SALL3: variants seen among roughly 807,000 people sequenced by gnomAD.
SALL3 encodes the protein sal-like protein 3.
In SALL3, 25 loss-of-function variants were observed where a neutral mutation model predicts 66.2. The observed-to-expected ratio is 0.38, with a 90% CI of 0.28 to 0.53. The LOEUF (loss-of-function observed/expected upper bound fraction) is 0.53, where lower values mean the gene tolerates loss of function less well. Among genes scored for constraint, SALL3 ranks in the 20% least tolerant of loss-of-function variants. The pLI, the probability that SALL3 is intolerant of heterozygous loss-of-function variation, is 0.85. For synonymous variants in SALL3, 1,152 were observed against 899.1 expected (o/e 1.28, Z -5.03); for missense variants, 2,194 against 1,916.5 (o/e 1.14, Z -2.70).
Position 78,992,402 on chromosome 18 carries a change from A to G in SALL3, c.411A>G (p.Glu137=). 7.5e-7 allele frequency: 1 copy of G among 1,325,428 alleles called. No homozygotes were observed. The highest frequency in any genetic ancestry group is 1.8e-5 in the South Asian group (1 of 55,292). 82.1% of individuals were successfully genotyped at this position (1,325,428 alleles called of 1,614,324 possible). A position where few individuals can be genotyped will look rare whatever the true frequency, so the allele number is the denominator to read the frequency against. Residue 137 remains glutamate, a synonymous_variant, in exon 2 of 3, where the codon GAA becomes GAG. Transcript: ENST00000537592. ...AGGAGGCCGAGCCCATGGACGCGGA[A>G]CCCGCGGGGGACACGCGCGCGCCCC... ...VEKEAEPMDA[E]PAGDTRAPRP... is the part of the protein sequence containing the mutation.
chr18:78,996,811 T>C lies in SALL3; in HGVS notation c.3472-80T>C, dbSNP rs984872935. 2.9e-5 allele frequency: 41 copies of C among 1,424,324 alleles called. No individual in the cohort carries two copies. In the East Asian group the frequency reaches 6.5e-4, roughly 23 times the overall value. The allele number at this position is 1,424,324 out of a possible 1,614,324, so 88.2% of individuals were successfully genotyped here. ...CGCGCTTGGGAGCGGGGTGGACCTC[T>C]GTCTGCTGCGCTGGAAGCGGAGCAG... On this transcript the variant is annotated intron_variant, in intron 2 of 2. Transcript: ENST00000537592.
intron 1 of SALL3, among the ~76,000 whole-genome samples, chr18:78,980,618 G>T (rs1418515576): frequency 6.6e-6 from 1 of 151,776 alleles, no homozygotes; most frequent in African/African-American, 2.4e-5. Flanking sequence ...GAAGGGCGCC[G>T]AGGCCGCGGC....
chr18:78,988,604 A>G (rs372676125), intron 1 of SALL3, among the ~76,000 whole-genome samples: 3 of 152,206 alleles, frequency 2.0e-5, no homozygotes, highest in Non-Finnish European at 4.4e-5. Flanking sequence ...TCAATTCCAT[A>G]TGTGATTGTT....
chr18:78,992,749 C>T lies in SALL3; in HGVS notation c.758C>T (p.Pro253Leu), dbSNP rs773563874. The change falls in exon 2 of 3, where the codon CCG becomes CTG. Residue 253 changes from proline (P) to leucine (L), a missense_variant. Transcript: ENST00000537592. ...GCGGCCGCCCCGAGCGCACCGGGCC[C>T]GGCCCCCAGCCAGCTGCCCGGGCTG... ...SPAAAPSAPG[P>L]APSQLPGLAA... is the part of the protein sequence containing the mutation. The T allele has an allele frequency of 8.6e-6, 10 of 1,165,052 alleles. No individual in the cohort carries two copies. The highest frequency in any genetic ancestry group is 7.4e-6 in the Non-Finnish European group (7 of 944,642). The allele number at this position is 1,165,052 out of a possible 1,614,324, so 72.2% of individuals were successfully genotyped here. A position where few individuals can be genotyped will look rare whatever the true frequency, so the allele number is the denominator to read the frequency against.
At chr18:78,996,860 T>TA (rs779173718) in intron 2 of SALL3, 31 bp from the exon 3 acceptor site, 70 of 1,569,496 alleles carry the variant, frequency 4.5e-5, no homozygotes, top group Non-Finnish European at 6.0e-5. Flanking sequence ...TCTAGGCACT[T>TA]ACTCGTGGGC....
At position 78,994,454 on chromosome 18, in the gene SALL3, A is replaced by G. The variant is rs138722339; in HGVS notation, c.2463A>G (p.Pro821=). 265 of 1,612,390 alleles carry G rather than the reference A, an allele frequency of 1.6e-4. No homozygotes were observed. The highest frequency in any genetic ancestry group is 2.0e-4 in the Non-Finnish European group (241 of 1,179,758). The part of the protein sequence containing the change: ...LKDAATDPAK[P]LLSYAGSCPP... ...ACGCGGCCACCGACCCGGCCAAGCC[A>G]CTCCTGTCCTACGCGGGGTCCTGCC... Residue 821 remains proline (P), a synonymous_variant, in exon 2 of 3, where the codon CCA becomes CCG. Transcript: ENST00000537592.
rs1270555405 is a variant in SALL3, at chr18:78,994,639, T to C, written c.2648T>C (p.Val883Ala). ...DRLSNDSSSA[V>A]GDLESRSAGS... ...CTGAGCAACGACTCCTCGTCGGCCGTGGGCGACCTGGAGAGCCGCAGCGCG... is the reference window on the plus strand; with the variant it reads ...CTGAGCAACGACTCCTCGTCGGCCGCGGGCGACCTGGAGAGCCGCAGCGCG... The change falls in exon 2 of 3, where the codon GTG (valine) becomes GCG (alanine). Residue 883 changes from valine (V) to alanine (A), a missense_variant. Physicochemically the swap from Val to Ala is moderately conservative, Grantham distance 64. Coordinates refer to ENST00000537592, the MANE Select transcript of SALL3 (RefSeq NM_171999.4). 1.2e-6 allele frequency: 2 copies of C among 1,609,202 alleles called. No individual in the cohort carries two copies. The highest frequency in any genetic ancestry group is 2.2e-5 in the East Asian group (1 of 44,788).
chr18:78,997,138 A>T lies in SALL3; in HGVS notation c.3719A>T (p.Gln1240Leu). ...GTCATCCAGAACGGCGGCATCCCCCAGCTCCCCGTGAGTCTTGGGGGCAGC... is the reference window on the plus strand; with the variant it reads ...GTCATCCAGAACGGCGGCATCCCCCTGCTCCCCGTGAGTCTTGGGGGCAGC... ...ISVIQNGGIP[Q>L]LPVSLGGSAL... Residue 1240 changes from glutamine (Q) to leucine (L), a missense_variant, in exon 3 of 3, where the codon CAG becomes CTG. Coordinates refer to ENST00000537592, the MANE Select transcript of SALL3 (RefSeq NM_171999.4). The T allele has an allele frequency of 6.2e-7, 1 of 1,613,944 alleles. No homozygotes were observed. The highest frequency in any genetic ancestry group is 8.5e-7 in the Non-Finnish European group (1 of 1,180,018).
intron 1 of SALL3, among the ~76,000 whole-genome samples, chr18:78,991,370 G>T (rs1021781817): frequency 8.5e-5 from 7 of 82,324 alleles, no homozygotes; most frequent in Admixed American, 2.8e-4. Context: ...CTATCTGGAA[G>T]AAAGTACAAG....
At position 78,993,955 on chromosome 18, in the gene SALL3, C is replaced by T. The variant is rs765362184; in HGVS notation, c.1964C>T (p.Ser655Leu). ...TTTCCGTTCGGGGGGCTGCTAGACTCGATGCAAACGTCGGAAACCTCGAAG... is the reference window on the plus strand; with the variant it reads ...TTTCCGTTCGGGGGGCTGCTAGACTTGATGCAAACGTCGGAAACCTCGAAG... The part of the protein sequence containing the change: ...AQFPFGGLLD[S>L]MQTSETSKLQ... Residue 655 changes from serine to leucine, a missense_variant, in exon 2 of 3, where the codon TCG (serine) becomes TTG (leucine). Ser to Leu is a moderately radical substitution (Grantham distance 145). Coordinates refer to ENST00000537592, the MANE Select transcript of SALL3 (RefSeq NM_171999.4). 5 of 1,610,982 alleles carry T rather than the reference C, an allele frequency of 3.1e-6. No individual in the cohort carries two copies. The highest frequency in any genetic ancestry group is 2.2e-5 in the East Asian group (1 of 44,748).
chr18:78,984,622 A>AT (rs1208738466), intron 1 of SALL3, among the ~76,000 whole-genome samples: 1 of 149,516 alleles, frequency 6.7e-6, no homozygotes, highest in Non-Finnish European at 1.5e-5. Flanking sequence ...GTAAACTTTT[A>AT]TTTAAAAAAA....
Position 78,994,862 on chromosome 18 carries a change from G to A in SALL3, c.2871G>A (p.Lys957=). 2.5e-6 allele frequency: 4 copies of A among 1,605,490 alleles called. No homozygotes were observed. Among genetic ancestry groups the A allele is most frequent in the Non-Finnish European group, 3.4e-6 (4 of 1,176,270 alleles). ...SGGAPGRAGI[K]EEAPFSLLFL... ...GCGCCCCTGGCCGCGCGGGCATCAAGGAGGAGGCGCCCTTCAGCCTGCTGT... is the reference window on the plus strand; with the variant it reads ...GCGCCCCTGGCCGCGCGGGCATCAAAGAGGAGGCGCCCTTCAGCCTGCTGT... Residue 957 remains lysine, a synonymous_variant, in exon 2 of 3, where the codon AAG becomes AAA. Coordinates refer to ENST00000537592, the MANE Select transcript of SALL3 (RefSeq NM_171999.4).
intron 1 of SALL3, among the ~76,000 whole-genome samples, chr18:78,985,309 A>G (rs1036319576): frequency 3.9e-5 from 6 of 152,248 alleles, no homozygotes; most frequent in Non-Finnish European, 7.3e-5. Context: ...CTAGTTCAGC[A>G]CAAGTGTTTA....
In SALL3 at chr18:78,997,390, T is replaced by G. The variant is rs1914735846; in HGVS notation, c.*68T>G. 2.0e-6 allele frequency: 3 copies of G among 1,479,166 alleles called. No individual in the cohort carries two copies. The highest frequency in any genetic ancestry group is 2.8e-6 in the Non-Finnish European group (3 of 1,076,230). 91.6% of individuals were successfully genotyped at this position (1,479,166 alleles called of 1,614,324 possible). ...AGTTGGAGCATCAGGCCTCCGACCTTTCTTGCCTCGGTTCTCATTACACTT... is the reference window on the plus strand; with the variant it reads ...AGTTGGAGCATCAGGCCTCCGACCTGTCTTGCCTCGGTTCTCATTACACTT... On this transcript the variant is annotated 3_prime_UTR_variant, in exon 3 of 3. Coordinates refer to ENST00000537592, the MANE Select transcript of SALL3 (RefSeq NM_171999.4).
At chr18:78,982,293 A>G (rs1405763908) in intron 1 of SALL3, among the ~76,000 whole-genome samples, 3 of 152,164 alleles carry the variant, frequency 2.0e-5, no homozygotes, top group Non-Finnish European at 4.4e-5. Flanking sequence ...GATGCAAAAT[A>G]TTCAGGTTTT....
intron 2 of SALL3, among the ~76,000 whole-genome samples, chr18:78,995,870 C>A (rs1484932310): frequency 1.3e-5 from 2 of 152,152 alleles, no homozygotes; most frequent in African/African-American, 2.4e-5. Flanking sequence ...GTGGGGGGAA[C>A]AGGAGCCTGG....
Position 78,993,742 on chromosome 18 carries a change from C to G in SALL3, c.1751C>G (p.Pro584Arg). The G allele has an allele frequency of 6.4e-7, 1 of 1,550,880 alleles. No homozygotes were observed. The highest frequency in any genetic ancestry group is 8.6e-7 in the Non-Finnish European group (1 of 1,157,210). ...ESGVSATAES[P>R]QSLLGGPPLT... is the part of the protein sequence containing the mutation. ...GGCGTGTCGGCCACCGCCGAGTCCC[C>G]ACAGTCGCTCCTCGGCGGGCCGCCC... Residue 584 changes from proline to arginine, a missense_variant, in exon 2 of 3, where the codon CCA becomes CGA. Physicochemically the swap from Pro to Arg is moderately radical, Grantham distance 103. Transcript: ENST00000537592.
rs755531418 is a variant in SALL3, at chr18:78,995,495, G to T, written c.3471+33G>T. On this transcript the variant is annotated intron_variant, in intron 2 of 2. Coordinates refer to ENST00000537592, the MANE Select transcript of SALL3 (RefSeq NM_171999.4). ...CATGGCAGGCTCCAGCCCCGGCTGCGGTGCGGCCGAGCCACGGTGGCTTTC... is the reference window on the plus strand; with the variant it reads ...CATGGCAGGCTCCAGCCCCGGCTGCTGTGCGGCCGAGCCACGGTGGCTTTC... The T allele has an allele frequency of 2.7e-5, 41 of 1,499,154 alleles. 1 individual carries two copies. The Middle Eastern group carries it at 5.3e-4, about 19-fold the overall frequency. The allele number at this position is 1,499,154 out of a possible 1,614,324, so 92.9% of individuals were successfully genotyped here.
In SALL3 at chr18:78,992,818, C is replaced by G; in HGVS notation, c.827C>G (p.Ala276Gly). The G allele has an allele frequency of 1.0e-6, 1 of 979,860 alleles. No individual in the cohort carries two copies. Among genetic ancestry groups the G allele is most frequent in the Non-Finnish European group, 1.2e-6 (1 of 828,032 alleles). The allele number at this position is 979,860 out of a possible 1,614,324, so 60.7% of individuals were successfully genotyped here. Residue 276 changes from alanine to glycine, a missense_variant, in exon 2 of 3, where the codon GCG becomes GGG. Transcript: ENST00000537592. ...LSAGAPAAAI[A>G]GSGPAAPAAF... ...GCCGGGGCCCCTGCCGCCGCCATCG[C>G]GGGCTCGGGCCCCGCCGCCCCGGCC... is the stretch of plus-strand genomic sequence containing the variant.
Sources: allele counts gnomAD v4.1 joint callset (sites outside exome capture counted in the v4.1 genomes callset), GRCh38; gene constraint gnomAD v4.1.1; transcripts MANE v1.5; gene names NCBI Gene and HGNC (gene_info 2026-07-23, HGNC 2026-07-21).